MTA3: variants seen among roughly 807,000 people sequenced by gnomAD.
MTA3 encodes the protein metastasis associated 1 family member 3, also known as metastasis-associated protein MTA3.
MTA3 carries 34 observed loss-of-function variants against 83.5 expected under a neutral mutation model. The observed-to-expected ratio is 0.41, with a 90% CI of 0.31 to 0.54. The LOEUF is 0.54. Ranked by LOEUF, MTA3 falls within the 20% of genes least tolerant of loss-of-function variation. The pLI is 0.33. For missense variants in MTA3, 761 were observed against 726.4 expected (o/e 1.05, Z -0.55); for synonymous variants, 303 against 252.7 (o/e 1.20, Z -1.89).
intron 1 of MTA3, among the ~76,000 whole-genome samples, chr2:42,570,078 T>C (rs1341984576): frequency 1.3e-5 from 2 of 152,072 alleles, no homozygotes; most frequent in East Asian, 1.9e-4. Flanking sequence ...GCAAATTGTA[T>C]TGGAGGAAAA....
intron 5 of MTA3, among the ~76,000 whole-genome samples, chr2:42,641,002 G>C (rs914297709): frequency 6.6e-6 from 1 of 152,122 alleles, no homozygotes; most frequent in South Asian, 2.1e-4. Context: ...CGCCTCCCGG[G>C]TTCAAGCAAT....
intron 8 of MTA3, 86 bp from the exon 9 acceptor site, chr2:42,682,315 A>G (rs1433056490): frequency 8.7e-6 from 8 of 922,322 alleles, no homozygotes; most frequent in Non-Finnish European, 1.2e-5. Flanking sequence ...AATTAAGTAC[A>G]TCATATATTT....
intron 3 of MTA3, among the ~76,000 whole-genome samples, chr2:42,591,549 TAAC>T (rs1329290657): frequency 2.6e-5 from 4 of 152,210 alleles, no homozygotes; most frequent in East Asian, 1.9e-4. Flanking sequence ...ACTCTTGTAA[TAAC>T]AACTTAAAAC....
chr2:42,625,946 CTTTTTTTTTTT>C (rs540658051), intron 4 of MTA3, among the ~76,000 whole-genome samples: 1 of 129,004 alleles, frequency 7.8e-6, no homozygotes, highest in Non-Finnish European at 1.7e-5. Flanking sequence ...TTTTTTTTTT[CTTTTTTTTTTT>C]TTTGAGTCGG....
rs138576635 is a variant in MTA3 at position 42,521,452 on chromosome 2, GTTGTC to G, written c.-141+26201_-141+26205del. 8.9e-3 allele frequency among the ~76,000 whole-genome samples: 1,354 copies of G among 152,220 alleles called. 6 individuals are homozygous for G. Among genetic ancestry groups the G allele is most frequent in the Admixed American group, 0.013 (198 of 15,258 alleles). On this transcript the variant is annotated intron_variant, in intron 2 of 17. Transcript: ENST00000405592. ...AACCATAGAAACTAAGACAGTAATT[GTTGTC>G]TTAAGTCATTAAGTTTTGGGGTAAT...
rs747805486 is a variant in MTA3, at chr2:42,516,711, CAAA to C, written c.-141+21458_-141+21460del. 4.6e-5 allele frequency among the ~76,000 whole-genome samples: 7 copies of C among 152,254 alleles called. No homozygotes were observed. The South Asian group carries it at 8.3e-4, about 18-fold the overall frequency. ...AGCAGCTTTAGATATATAGAGAAAA[CAAA>C]GAAGTCAATGAATATTAAAGTATGC... On this transcript the variant is annotated intron_variant, in intron 2 of 17. Transcript: ENST00000405592.
chr2:42,725,069 G>C (rs1481948436), intron 16 of MTA3, among the ~76,000 whole-genome samples: 1 of 152,222 alleles, frequency 6.6e-6, no homozygotes, highest in Non-Finnish European at 1.5e-5. Context: ...TCATGGGATG[G>C]AGAGGAAGGC....
At chr2:42,565,858 G>T (rs1473476099), upstream of MTA3, among the ~76,000 whole-genome samples, 2 of 152,030 alleles carry the variant, frequency 1.3e-5, no homozygotes, top group East Asian at 3.9e-4. Context: ...ACAAAAATTA[G>T]CCAGACGTGG....
At chr2:42,517,660 C>T (rs868718347) in intron 2 of MTA3, among the ~76,000 whole-genome samples, 1 of 151,488 alleles carries the variant, frequency 6.6e-6, no homozygotes, top group Non-Finnish European at 1.5e-5. Context: ...AGGTGATCAC[C>T]TGAGGTCAAG....
intron 2 of MTA3, among the ~76,000 whole-genome samples, chr2:42,558,158 A>G (rs1304530039): frequency 2.0e-5 from 3 of 150,390 alleles, no homozygotes; most frequent in African/African-American, 7.4e-5. Flanking sequence ...AATGCTCCCT[A>G]GTCTCTCTTT....
intron 8 of MTA3, among the ~76,000 whole-genome samples, chr2:42,664,855 C>T (rs559728560): frequency 1.8e-4 from 28 of 152,156 alleles, no homozygotes; most frequent in Non-Finnish European, 3.4e-4. Flanking sequence ...TCGATTTATC[C>T]GAGACAATTT....
At chr2:42,525,658 C>CTT (rs1275382356) in intron 2 of MTA3, among the ~76,000 whole-genome samples, 1 of 138,292 alleles carries the variant, frequency 7.2e-6, no homozygotes, top group African/African-American at 2.7e-5. Context: ...TTTTTTCCTT[C>CTT]TTTCTTTCTT....
At chr2:42,516,442 T>G (rs1675148733) in intron 2 of MTA3, among the ~76,000 whole-genome samples, 1 of 152,188 alleles carries the variant, frequency 6.6e-6, no homozygotes, top group Admixed American at 6.6e-5. Flanking sequence ...TCCCAACCCA[T>G]CTCACTTCCA....
chr2:42,536,510 G>A (rs1348943696), intron 2 of MTA3, among the ~76,000 whole-genome samples: 1 of 151,572 alleles, frequency 6.6e-6, no homozygotes, highest in South Asian at 2.1e-4. Flanking sequence ...GAAAATGGAG[G>A]TGTTAGAGAC....
chr2:42,614,991 CAAA>C (rs758999799), intron 4 of MTA3, among the ~76,000 whole-genome samples: 2 of 114,680 alleles, frequency 1.7e-5, no homozygotes, highest in Non-Finnish European at 3.8e-5. Context: ...AAAAAAAAAA[CAAA>C]AAGCAGAAAA....
At chr2:42,624,617 TGCCCA>T (rs751312920) in intron 4 of MTA3, among the ~76,000 whole-genome samples, 123 of 152,346 alleles carry the variant, frequency 8.1e-4, no homozygotes, top group Non-Finnish European at 1.4e-3. Flanking sequence ...TGAGCCACTG[TGCCCA>T]GCCTCTTTTT....
At chr2:42,521,245 TAG>T (rs2103693508) in intron 2 of MTA3, among the ~76,000 whole-genome samples, 2 of 152,284 alleles carry the variant, frequency 1.3e-5, no homozygotes, top group South Asian at 4.1e-4. Flanking sequence ...AGCTGCTTTT[TAG>T]AGAGGCCTAC....
rs147498272 is a variant in MTA3 at position 42,611,075 on chromosome 2, G to A, written c.317+1491G>A. Among the ~76,000 whole-genome samples, 757 of 149,464 alleles carry A rather than the reference G, an allele frequency of 5.1e-3. 8 individuals carry two copies. The highest frequency in any genetic ancestry group is 0.015 in the African/African-American group (608 of 40,504). On this transcript the variant is annotated intron_variant, in intron 4 of 16. Coordinates refer to ENST00000405094, the MANE Select transcript of MTA3 (RefSeq NM_001330442.2). ...TGGCTCACTGCAACCTCTGCCTCCC[G>A]GGTTCACGCAGTTCTCCTGCCTCAG...
intron 2 of MTA3, among the ~76,000 whole-genome samples, chr2:42,547,638 T>C (rs113738593): frequency 0.034 from 5,187 of 152,294 alleles, 261 homozygotes; most frequent in African/African-American, 0.12. Context: ...GAGGCATTTG[T>C]CTTATTTGAA....
Sources: allele counts gnomAD v4.1 joint callset (sites outside exome capture counted in the v4.1 genomes callset), GRCh38; gene constraint gnomAD v4.1.1; transcripts MANE v1.5; gene names NCBI Gene and HGNC (gene_info 2026-07-23, HGNC 2026-07-21).